GRIN2B: variants seen among roughly 807,000 people sequenced by gnomAD.
GRIN2B encodes the protein glutamate ionotropic receptor NMDA type subunit 2B, also known as glutamate receptor ionotropic, NMDA 2B.
In GRIN2B, 5 loss-of-function variants were observed where a neutral mutation model predicts 114.5. That is an observed-to-expected ratio of 0.04 (90% CI 0.02 to 0.09). The LOEUF (loss-of-function observed/expected upper bound fraction) is 0.09, where lower values mean the gene tolerates loss of function less well. Among genes scored for constraint, GRIN2B ranks in the 10% least tolerant of loss-of-function variants. The probability of loss-of-function intolerance (pLI) is 1.00; values close to 1 mark genes in which losing one functional copy is unlikely to be tolerated. For synonymous variants in GRIN2B, 787 were observed against 745.1 expected (o/e 1.06, Z -0.92); for missense variants, 1,108 against 1,943.5 (o/e 0.57, Z 8.08).
At chr12:13,856,592 C>T (rs923028920) in intron 3 of GRIN2B, among the ~76,000 whole-genome samples, 6 of 152,102 alleles carry the variant, frequency 3.9e-5, no homozygotes, top group African/African-American at 1.4e-4. Flanking sequence ...AAATAACTCC[C>T]TTTTTAGAAC....
At chr12:13,764,013 C>A (rs770745694) in intron 3 of GRIN2B, among the ~76,000 whole-genome samples, 2 of 152,114 alleles carry the variant, frequency 1.3e-5, no homozygotes, top group Non-Finnish European at 2.9e-5. Context: ...TGATCTCTAA[C>A]TTTCCTGGGA....
chr12:13,942,124 A>G (rs1367179135), intron 2 of GRIN2B, among the ~76,000 whole-genome samples: 2 of 152,136 alleles, frequency 1.3e-5, no homozygotes, highest in African/African-American at 2.4e-5. Flanking sequence ...TACTTTTTCC[A>G]TTGGAACCAA....
chr12:13,688,542 C>A (rs1042611390), intron 4 of GRIN2B, among the ~76,000 whole-genome samples: 1 of 152,120 alleles, frequency 6.6e-6, no homozygotes. Flanking sequence ...AATGAATTTG[C>A]CTTATAAAAA....
intron 3 of GRIN2B, among the ~76,000 whole-genome samples, chr12:13,818,836 A>T (rs563918957): frequency 7.9e-5 from 12 of 152,276 alleles, no homozygotes; most frequent in Admixed American, 5.2e-4. Flanking sequence ...TGTGGCAGAC[A>T]AATCATCATA....
intron 2 of GRIN2B, among the ~76,000 whole-genome samples, chr12:13,874,607 C>T (rs576542131): frequency 6.6e-6 from 1 of 152,282 alleles, no homozygotes; most frequent in East Asian, 1.9e-4. Flanking sequence ...CTGCTGAAAT[C>T]CAAACCTTTT....
intron 2 of GRIN2B, among the ~76,000 whole-genome samples, chr12:13,867,284 T>A (rs544031855): frequency 6.6e-6 from 1 of 152,328 alleles, no homozygotes; most frequent in East Asian, 1.9e-4. Context: ...TCCTTTTTAC[T>A]TCCACATATG....
intron 3 of GRIN2B, among the ~76,000 whole-genome samples, chr12:13,794,230 G>GA (rs1864375436): frequency 7.1e-6 from 1 of 141,430 alleles, no homozygotes; most frequent in African/African-American, 2.6e-5. Flanking sequence ...AAAAGAAAAA[G>GA]AAAAGAAAAA....
At chr12:13,809,802 C>T (rs898438980) in intron 3 of GRIN2B, among the ~76,000 whole-genome samples, 57 of 152,368 alleles carry the variant, frequency 3.7e-4, no homozygotes, top group African/African-American at 1.3e-3. Flanking sequence ...CCCACTCCCA[C>T]TGTCTAATCT....
intron 5 of GRIN2B, among the ~76,000 whole-genome samples, chr12:13,670,654 C>T (rs1430561270): frequency 6.6e-6 from 1 of 152,134 alleles, no homozygotes; most frequent in Non-Finnish European, 1.5e-5. Flanking sequence ...ATGCAGCTGT[C>T]CCCCACTTAG....
rs1450184489 is a variant in GRIN2B, at chr12:13,548,173, G to A, written c.*14610C>T. On this transcript the variant is annotated 3_prime_UTR_variant, in exon 14 of 14. Coordinates refer to ENST00000609686, the MANE Select transcript of GRIN2B (RefSeq NM_000834.5). ...CTTGCTGTTCCGGAGCAAGCTCTGGGCTCTAAAATTGAGCTTATCTTCTCT... is the reference window on the plus strand; with the variant it reads ...CTTGCTGTTCCGGAGCAAGCTCTGGACTCTAAAATTGAGCTTATCTTCTCT... The A allele has an allele frequency of 6.6e-6, 1 of 151,216 alleles. No homozygotes were observed. Among genetic ancestry groups the A allele is most frequent in the Non-Finnish European group, 1.5e-5 (1 of 67,826 alleles). 9.4% of individuals were successfully genotyped at this position (151,216 alleles called of 1,614,324 possible). A position where few individuals can be genotyped will look rare whatever the true frequency, so the allele number is the denominator to read the frequency against.
rs149659045 is a variant in GRIN2B, at chr12:13,861,501, C to T, written c.411+4297G>A. 2.9e-3 allele frequency among the ~76,000 whole-genome samples: 442 copies of T among 152,264 alleles called. 2 individuals are homozygous for T. The highest frequency in any genetic ancestry group is 9.6e-3 in the African/African-American group (398 of 41,546). ...TTATAACAAGGCAAAATAAAATAGG[C>T]TCTTTATACTCAGGTGGGGAACTGC... On this transcript the variant is annotated intron_variant, in intron 3 of 13. Coordinates refer to ENST00000609686, the MANE Select transcript of GRIN2B (RefSeq NM_000834.5).
chr12:13,646,284 T>A (rs1949761096), intron 5 of GRIN2B, among the ~76,000 whole-genome samples: 1 of 152,164 alleles, frequency 6.6e-6, no homozygotes. Context: ...TTCCTCCAAC[T>A]CTATCTACTG....
At chr12:13,962,728 G>A (rs955514320) in intron 2 of GRIN2B, among the ~76,000 whole-genome samples, 6 of 152,142 alleles carry the variant, frequency 3.9e-5, no homozygotes, top group East Asian at 3.9e-4. Flanking sequence ...GCGGGCGGGC[G>A]GGCTGACCTC....
At chr12:13,816,435 T>C (rs1055865269) in intron 3 of GRIN2B, among the ~76,000 whole-genome samples, 2 of 152,194 alleles carry the variant, frequency 1.3e-5, no homozygotes, top group African/African-American at 2.4e-5. Context: ...CATTTTCCCA[T>C]ACTTAAAAGA....
chr12:13,609,951 T>C (rs1949345091), intron 9 of GRIN2B: 1 of 152,170 alleles, frequency 6.6e-6, no homozygotes, highest in Non-Finnish European at 1.5e-5. Flanking sequence ...CTCACTGCAA[T>C]CTCTATTTGC....
intron 4 of GRIN2B, among the ~76,000 whole-genome samples, chr12:13,680,308 C>G (rs184293275): frequency 5.1e-4 from 78 of 152,092 alleles, no homozygotes; most frequent in Middle Eastern, 6.8e-3. Context: ...TAAGAGATGC[C>G]ATAGCTATTC....
intron 3 of GRIN2B, among the ~76,000 whole-genome samples, chr12:13,829,091 A>G (rs1253417183): frequency 6.6e-6 from 1 of 152,156 alleles, no homozygotes; most frequent in Non-Finnish European, 1.5e-5. Flanking sequence ...GCCATCACAT[A>G]GGGGGCATCC....
chr12:13,882,718 C>T (rs912610889), intron 2 of GRIN2B, among the ~76,000 whole-genome samples: 1 of 152,140 alleles, frequency 6.6e-6, no homozygotes. Flanking sequence ...TTTATGTATA[C>T]ATCAGTATGT....
chr12:13,647,758 G>T (rs1428059399), intron 5 of GRIN2B, among the ~76,000 whole-genome samples: 2 of 151,960 alleles, frequency 1.3e-5, no homozygotes, highest in East Asian at 1.9e-4. Flanking sequence ...AAAGATAACT[G>T]CTCCACCTAG....
Sources: allele counts gnomAD v4.1 joint callset (sites outside exome capture counted in the v4.1 genomes callset), GRCh38; gene constraint gnomAD v4.1.1; transcripts MANE v1.5; gene names NCBI Gene and HGNC (gene_info 2026-07-23, HGNC 2026-07-21).